The following PPM1E variants were observed in gnomAD, a reference collection of about 807,000 sequenced individuals.
PPM1E encodes the protein protein phosphatase 1E.
A neutral mutation model predicts 65.9 loss-of-function variants in PPM1E; 20 were observed. That is an observed-to-expected ratio of 0.30 (90% CI 0.21 to 0.44). The LOEUF is 0.44. PPM1E is among the 20% of genes least tolerant of loss of function. The probability of loss-of-function intolerance (pLI) is 1.00; values close to 1 mark genes in which losing one functional copy is unlikely to be tolerated. For missense variants in PPM1E, 713 were observed against 953.1 expected (o/e 0.75, Z 3.32); for synonymous variants, 352 against 374.9 (o/e 0.94, Z 0.70).
chr17:58,780,630 G>A (rs987037799), intron 1 of PPM1E, among the ~76,000 whole-genome samples: 8 of 152,088 alleles, frequency 5.3e-5, no homozygotes, highest in African/African-American at 1.7e-4. Context: ...ATGTATTATG[G>A]ATATTAGCCA....
At chr17:58,885,564 T>C (rs1418553854) in intron 1 of PPM1E, among the ~76,000 whole-genome samples, 1 of 152,170 alleles carries the variant, frequency 6.6e-6, no homozygotes, top group Non-Finnish European at 1.5e-5. Flanking sequence ...ATAATTATTA[T>C]TATGAAGAGG....
At chr17:58,884,046 C>T (rs1156568719) in intron 1 of PPM1E, among the ~76,000 whole-genome samples, 1 of 152,146 alleles carries the variant, frequency 6.6e-6, no homozygotes, top group East Asian at 1.9e-4. Flanking sequence ...GTCACTTAGT[C>T]TCCTTGTTTT....
chr17:58,919,264 A>G (rs1757114446), intron 1 of PPM1E, among the ~76,000 whole-genome samples: 1 of 152,194 alleles, frequency 6.6e-6, no homozygotes, highest in Admixed American at 6.5e-5. Flanking sequence ...ACCTGGTGGA[A>G]GAATAGAAAT....
intron 1 of PPM1E, among the ~76,000 whole-genome samples, chr17:58,931,948 T>C (rs1333072514): frequency 6.6e-6 from 1 of 152,142 alleles, no homozygotes; most frequent in African/African-American, 2.4e-5. Flanking sequence ...TTACATGTTA[T>C]AAACTCTGAC....
chr17:58,801,094 G>A (rs1199471138), intron 1 of PPM1E, among the ~76,000 whole-genome samples: 1 of 151,804 alleles, frequency 6.6e-6, no homozygotes, highest in African/African-American at 2.4e-5. Context: ...ATTCTATCTT[G>A]GTGAACATGC....
Position 58,944,574 on chromosome 17 carries a change from T to C in PPM1E, c.465-11075T>C, listed in dbSNP as rs2052121123. Among the ~76,000 whole-genome samples, 7 of 149,632 alleles carry C rather than the reference T, an allele frequency of 4.7e-5. No homozygotes were observed. In the South Asian group the frequency reaches 1.4e-3, roughly 31 times the overall value. On this transcript the variant is annotated intron_variant, in intron 1 of 6. Coordinates refer to ENST00000308249, the MANE Select transcript of PPM1E (RefSeq NM_014906.5). ...TGGGCTTTTCATATAATTATTATTA[T>C]AGAATTATAAATTCTACAATAAGTG...
intron 1 of PPM1E, among the ~76,000 whole-genome samples, chr17:58,862,285 A>T (rs964354067): frequency 1.3e-5 from 2 of 152,198 alleles, no homozygotes; most frequent in Non-Finnish European, 2.9e-5. Context: ...AGTTTTGATT[A>T]TTCTGTTTGT....
intron 1 of PPM1E, among the ~76,000 whole-genome samples, chr17:58,854,434 T>C (rs979540313): frequency 2.6e-5 from 4 of 152,212 alleles, no homozygotes; most frequent in African/African-American, 9.6e-5. Context: ...TGACTAGTAC[T>C]TCTAGCACTC....
In PPM1E at chr17:58,963,836, C is replaced by G. The variant is rs184286210; in HGVS notation, c.584-1858C>G. 3.3e-5 allele frequency among the ~76,000 whole-genome samples: 5 copies of G among 152,082 alleles called. No individual in the cohort carries two copies. The East Asian group carries it at 9.6e-4, about 29-fold the overall frequency. The stretch of plus-strand genomic sequence containing the variant: ...CCCAGGAAGTGGAGGTTGCAGTGAG[C>G]CAAGATTGCACCACTGCTCTCCAGC... On this transcript the variant is annotated intron_variant, in intron 2 of 6. Coordinates refer to ENST00000308249, the MANE Select transcript of PPM1E (RefSeq NM_014906.5).
At chr17:58,802,452 G>C (rs1252836338) in intron 1 of PPM1E, among the ~76,000 whole-genome samples, 1 of 152,056 alleles carries the variant, frequency 6.6e-6, no homozygotes, top group Non-Finnish European at 1.5e-5. Flanking sequence ...ATATAATTTG[G>C]AATCAGGAAG....
intron 1 of PPM1E, among the ~76,000 whole-genome samples, chr17:58,820,562 G>A (rs1042289349): frequency 6.6e-6 from 1 of 152,160 alleles, no homozygotes; most frequent in Admixed American, 6.5e-5. Context: ...AAGTCCTAAA[G>A]GAGTGTGCTT....
intron 1 of PPM1E, among the ~76,000 whole-genome samples, chr17:58,822,345 T>C (rs1291754979): frequency 1.4e-5 from 2 of 146,516 alleles, no homozygotes; most frequent in Non-Finnish European, 3.1e-5. Context: ...TTTATTTATT[T>C]ATTTATTTAT....
chr17:58,927,180 G>A (rs1013607393), intron 1 of PPM1E, among the ~76,000 whole-genome samples: 2 of 143,634 alleles, frequency 1.4e-5, no homozygotes, highest in African/African-American at 5.3e-5. Context: ...AGGCTGGAGT[G>A]CAGTGGCTCG....
intron 1 of PPM1E, among the ~76,000 whole-genome samples, chr17:58,879,501 C>CTTTTTTTT (rs71367639): frequency 2.3e-5 from 2 of 88,788 alleles, no homozygotes; most frequent in Non-Finnish European, 4.3e-5. Flanking sequence ...CTGAGATTAA[C>CTTTTTTTT]TTTTTTTTTT....
intron 1 of PPM1E, among the ~76,000 whole-genome samples, chr17:58,860,895 C>T (rs1330075365): frequency 6.6e-6 from 1 of 151,926 alleles, no homozygotes; most frequent in Non-Finnish European, 1.5e-5. Context: ...CAAGATCACG[C>T]CACTGCACTC....
intron 1 of PPM1E, among the ~76,000 whole-genome samples, chr17:58,937,741 A>G (rs1356673235): frequency 2.0e-5 from 3 of 150,166 alleles, no homozygotes; most frequent in African/African-American, 7.3e-5. Flanking sequence ...TTAGCTGGGC[A>G]TGGTGGCAGG....
At chr17:58,761,329 C>G (rs2049818638) in intron 1 of PPM1E, among the ~76,000 whole-genome samples, 1 of 152,162 alleles carries the variant, frequency 6.6e-6, no homozygotes, top group African/African-American at 2.4e-5. Flanking sequence ...CTCCCAGGAG[C>G]TGGGGGCAAC....
chr17:58,768,861 G>C (rs2049908126), intron 1 of PPM1E, among the ~76,000 whole-genome samples: 1 of 152,022 alleles, frequency 6.6e-6, no homozygotes, highest in African/African-American at 2.4e-5. Flanking sequence ...TAGAGACAGG[G>C]TTTCTCCATG....
chr17:58,813,082 T>A (rs969797439), intron 1 of PPM1E, among the ~76,000 whole-genome samples: 5 of 152,220 alleles, frequency 3.3e-5, no homozygotes, highest in Admixed American at 2.6e-4. Context: ...AATCACTGCC[T>A]ACAAGATATG....
Sources: allele counts gnomAD v4.1 joint callset (sites outside exome capture counted in the v4.1 genomes callset), GRCh38; gene constraint gnomAD v4.1.1; transcripts MANE v1.5; gene names NCBI Gene and HGNC (gene_info 2026-07-23, HGNC 2026-07-21).